MAPRE1: variants seen among roughly 807,000 people sequenced by gnomAD.
MAPRE1 encodes microtubule-associated protein RP/EB family member 1.
MAPRE1 carries 5 observed loss-of-function variants against 32.1 expected under a neutral mutation model. That is an observed-to-expected ratio of 0.16 (90% CI 0.08 to 0.33). The LOEUF (loss-of-function observed/expected upper bound fraction) is 0.33, where lower values mean the gene tolerates loss of function less well. MAPRE1 is among the 10% of genes least tolerant of loss of function. The probability of loss-of-function intolerance (pLI) is 1.00; values close to 1 mark genes in which losing one functional copy is unlikely to be tolerated. For missense variants in MAPRE1, 209 were observed against 327.2 expected (o/e 0.64, Z 2.79); for synonymous variants, 122 against 118.9 (o/e 1.03, Z -0.17).
At chr20:32,847,321 C>T (rs182950376) in intron 6 of MAPRE1, among the ~76,000 whole-genome samples, 90 of 152,236 alleles carry the variant, frequency 5.9e-4, no homozygotes, top group African/African-American at 2.0e-3. Flanking sequence ...ATATTAATCA[C>T]GACATGTTAG....
rs560925536 is a variant in MAPRE1, at chr20:32,825,668, G to A, written c.-3-257G>A. Among the ~76,000 whole-genome samples the A allele has an allele frequency of 1.5e-3, 225 of 152,210 alleles. 1 individual carries two copies. Among genetic ancestry groups the A allele is most frequent in the Admixed American group, 2.9e-3 (44 of 15,280 alleles). ...AAATTAGCTGGGTGTGGTGGTACAC[G>A]CCTGTAATCCCAGCTACTCGGGAGG... On this transcript the variant is annotated intron_variant, in intron 1 of 6. Transcript: ENST00000375571.
chr20:32,836,837 T>G lies in MAPRE1; in HGVS notation c.471T>G (p.Ser157Arg). Reference sequence around the variant, plus strand: ...CGAAGAAACCTCTCACTTCTAGCAGTGCAGGTAAAAAAACAACCCCAAAAC... The same window carrying G: ...CGAAGAAACCTCTCACTTCTAGCAGGGCAGGTAAAAAAACAACCCCAAAAC... Reference protein sequence around the residue: ...NKPKKPLTSSSAAPQRPISTQ... With the variant: ...NKPKKPLTSSRAAPQRPISTQ... The change falls in exon 4 of 7, where the codon AGT becomes AGG. Residue 157 changes from serine to arginine, a missense_variant. Around this residue, in one of 3 missense-constraint regions of MAPRE1, gnomAD observed 106 missense variants for 115.3 expected, o/e 0.92. Coordinates refer to ENST00000375571, the MANE Select transcript of MAPRE1 (RefSeq NM_012325.3). 1 of 1,590,826 alleles carries G rather than the reference T, an allele frequency of 6.3e-7. No homozygotes were observed. The highest frequency in any genetic ancestry group is 1.2e-5 in the South Asian group (1 of 86,386).
In MAPRE1 at chr20:32,825,165, AG is replaced by A. The variant is rs1212925007; in HGVS notation, c.-3-759del. 6.1e-5 allele frequency among the ~76,000 whole-genome samples: 9 copies of A among 147,840 alleles called. No individual in the cohort carries two copies. The East Asian group carries it at 1.4e-3, about 22-fold the overall frequency. ...AGACTGTCTCAAAAAAAAAAAAAAA[AG>A]AAAGAAACAAACAAACAAAAAACCA... is the stretch of plus-strand genomic sequence containing the variant. On this transcript the variant is annotated intron_variant, in intron 1 of 6. Coordinates refer to ENST00000375571, the MANE Select transcript of MAPRE1 (RefSeq NM_012325.3).
intron 2 of MAPRE1, 143 bp from the exon 3 acceptor site, chr20:32,833,574 T>G (rs1007108676): frequency 1.1e-5 from 7 of 637,056 alleles, no homozygotes; most frequent in Non-Finnish European, 1.9e-5. Flanking sequence ...TTTTAGAAAT[T>G]GACTTCACAT....
At chr20:32,826,969 G>T (rs998196534) in intron 2 of MAPRE1, among the ~76,000 whole-genome samples, 1 of 152,176 alleles carries the variant, frequency 6.6e-6, no homozygotes, top group African/African-American at 2.4e-5. Flanking sequence ...GACAGTAATT[G>T]TATTAACTAC....
At chr20:32,848,608 G>C in intron 6 of MAPRE1, 64 bp from the exon 7 acceptor site, 1 of 1,278,316 alleles carries the variant, frequency 7.8e-7, no homozygotes. Flanking sequence ...TAAGTATGAG[G>C]AAAGTGAACT....
In MAPRE1 at chr20:32,829,761, C is replaced by A. The variant is rs567817118; in HGVS notation, c.121+3713C>A. Among the ~76,000 whole-genome samples, 4 of 152,310 alleles carry A rather than the reference C, an allele frequency of 2.6e-5. No individual in the cohort carries two copies. The South Asian group carries it at 8.3e-4, about 32-fold the overall frequency. The stretch of plus-strand genomic sequence containing the variant: ...TTGTCAGCAGTGGGCTCTCCTACCC[C>A]CAACAGTGAGCTGAGCCTTTGCTTG... On this transcript the variant is annotated intron_variant, in intron 2 of 6. Coordinates refer to ENST00000375571, the MANE Select transcript of MAPRE1 (RefSeq NM_012325.3).
intron 1 of MAPRE1, among the ~76,000 whole-genome samples, chr20:32,821,685 C>T (rs1360592931): frequency 1.3e-5 from 2 of 152,222 alleles, no homozygotes; most frequent in Non-Finnish European, 2.9e-5. Context: ...TGCCCACGGT[C>T]ACATAGGTCC....
At chr20:32,825,711 C>G (rs1054676242) in intron 1 of MAPRE1, among the ~76,000 whole-genome samples, 7 of 152,216 alleles carry the variant, frequency 4.6e-5, no homozygotes, top group Admixed American at 4.6e-4. Context: ...AGGAGAATTA[C>G]TTGAACTTGG....
At chr20:32,843,875 A>G (rs1294462005) in intron 5 of MAPRE1, among the ~76,000 whole-genome samples, 8 of 142,134 alleles carry the variant, frequency 5.6e-5, no homozygotes, top group South Asian at 2.2e-4. Flanking sequence ...TCTTTTGGAG[A>G]TGGAGTTTTG....
intron 5 of MAPRE1, among the ~76,000 whole-genome samples, chr20:32,840,131 A>G (rs576061959): frequency 6.6e-6 from 1 of 152,340 alleles, no homozygotes; most frequent in Admixed American, 6.5e-5. Context: ...GAATGCTGCC[A>G]GGGACCTGGG....
intron 2 of MAPRE1, among the ~76,000 whole-genome samples, chr20:32,829,722 G>A (rs1462434712): frequency 6.6e-6 from 1 of 152,240 alleles, no homozygotes; most frequent in Non-Finnish European, 1.5e-5. Flanking sequence ...TGCTGCCTGT[G>A]AAGTGGCCAA....
At position 32,833,743 on chromosome 20, in the gene MAPRE1, A is replaced by T; in HGVS notation, c.148A>T (p.Met50Leu). The change falls in exon 3 of 7, where the codon ATG becomes TTG. Residue 50 changes from methionine (M) to leucine (L), a missense_variant. Around this residue, in one of 3 missense-constraint regions of MAPRE1, gnomAD observed 67 missense variants for 140.0 expected, o/e 0.48. Coordinates refer to ENST00000375571, the MANE Select transcript of MAPRE1 (RefSeq NM_012325.3). ...SGAAYCQFMD[M>L]LFPGSIALKK... Reference sequence around the variant, plus strand: ...GGCTGCGTATTGTCAGTTTATGGACATGCTGTTCCCTGGCTCCATTGCCTT... The same window carrying T: ...GGCTGCGTATTGTCAGTTTATGGACTTGCTGTTCCCTGGCTCCATTGCCTT... 1 of 1,613,782 alleles carries T rather than the reference A, an allele frequency of 6.2e-7. No homozygotes were observed. Among genetic ancestry groups the T allele is most frequent in the South Asian group, 1.1e-5 (1 of 91,050 alleles).
intron 6 of MAPRE1, among the ~76,000 whole-genome samples, chr20:32,847,525 A>C (rs968737101): frequency 6.6e-6 from 1 of 152,240 alleles, no homozygotes; most frequent in Non-Finnish European, 1.5e-5. Context: ...TCCTTGAGAC[A>C]TATCTTGTGA....
At chr20:32,819,851 T>G (rs1336174905), upstream of MAPRE1, 1 of 149,662 alleles carries the variant, frequency 6.7e-6, no homozygotes, top group African/African-American at 2.5e-5. Context: ...GGCGCGCGGC[T>G]GAGACCCTCT....
chr20:32,825,021 A>G (rs1233474127), intron 1 of MAPRE1, among the ~76,000 whole-genome samples: 2 of 151,888 alleles, frequency 1.3e-5, no homozygotes, highest in Non-Finnish European at 2.9e-5. Flanking sequence ...GCATGGTGGC[A>G]TGCGCCTGTA....
At chr20:32,827,375 T>C (rs1791976827) in intron 2 of MAPRE1, among the ~76,000 whole-genome samples, 2 of 151,898 alleles carry the variant, frequency 1.3e-5, no homozygotes, top group Admixed American at 6.6e-5. Flanking sequence ...ACCACTGCAC[T>C]CCAGCCTGGG....
chr20:32,828,465 A>C (rs1025830790), intron 2 of MAPRE1, among the ~76,000 whole-genome samples: 3 of 152,230 alleles, frequency 2.0e-5, no homozygotes, highest in Non-Finnish European at 4.4e-5. Flanking sequence ...CTCTAGGTTT[A>C]TCTCATTCAG....
At chr20:32,819,779 C>G (rs1480946506), upstream of MAPRE1, 7 of 152,326 alleles carry the variant, frequency 4.6e-5, no homozygotes, top group Non-Finnish European at 7.4e-5. Flanking sequence ...GCAGTCGCCC[C>G]GGCGGTCGGG....
Sources: gnomAD v4.1 joint callset for allele counts (sites outside exome capture counted in the v4.1 genomes callset) on GRCh38, gnomAD v4.1.1 for gene constraint, gnomAD v4.1.1 regional missense constraint, MANE v1.5 for transcripts, NCBI Gene and HGNC (gene_info 2026-07-23, HGNC 2026-07-21) for gene names.